DLGAP2: variants seen among roughly 807,000 people sequenced by gnomAD.
DLGAP2 encodes DLG associated protein 2, also known as disks large-associated protein 2.
DLGAP2 carries 26 observed loss-of-function variants against 100.3 expected under a neutral mutation model. That is an observed-to-expected ratio of 0.26 (90% confidence interval 0.19 to 0.36). The LOEUF (loss-of-function observed/expected upper bound fraction) is 0.36. Among genes scored for constraint, DLGAP2 ranks in the 10% least tolerant of loss-of-function variants. The pLI, the probability that DLGAP2 is intolerant of heterozygous loss-of-function variation, is 1.00. For missense variants in DLGAP2, 1,858 were observed against 1,453.2 expected (o/e 1.28, Z -4.53); for synonymous variants, 886 against 630.1 (o/e 1.41, Z -6.08).
intron 3 of DLGAP2, among the ~76,000 whole-genome samples, chr8:1,445,734 C>T (rs977650556): frequency 1.3e-5 from 2 of 152,206 alleles, no homozygotes; most frequent in South Asian, 2.1e-4. Flanking sequence ...TATTTCTCCA[C>T]ATCCTCTCCA....
intron 2 of DLGAP2, among the ~76,000 whole-genome samples, chr8:931,001 C>T (rs1211053839): frequency 2.0e-5 from 3 of 152,120 alleles, no homozygotes; most frequent in Non-Finnish European, 4.4e-5. Flanking sequence ...TCCTTAAATC[C>T]CCAGTGAAGA....
At chr8:1,318,431 C>T (rs1800816954) in intron 3 of DLGAP2, among the ~76,000 whole-genome samples, 2 of 150,802 alleles carry the variant, frequency 1.3e-5, no homozygotes, top group South Asian at 4.3e-4. Context: ...TTGTTAGTGA[C>T]CTTCGTTTCT....
In DLGAP2 at chr8:1,063,174, G is replaced by A. The variant is rs554793384; in HGVS notation, c.73+155208G>A. ...AAGAGGGAAGATGTTTGACTGATACGCCGCAAAGTGCTGCCATATATTTGT... is the reference window on the plus strand; with the variant it reads ...AAGAGGGAAGATGTTTGACTGATACACCGCAAAGTGCTGCCATATATTTGT... On this transcript the variant is annotated intron_variant, in intron 2 of 14. Transcript: ENST00000637795. Among the ~76,000 whole-genome samples, 5 of 152,276 alleles carry A rather than the reference G, an allele frequency of 3.3e-5. No individual in the cohort carries two copies. The South Asian group carries it at 6.2e-4, about 19-fold the overall frequency.
At chr8:898,967 C>G (rs1798198108) in intron 1 of DLGAP2, among the ~76,000 whole-genome samples, 1 of 152,204 alleles carries the variant, frequency 6.6e-6, no homozygotes, top group Non-Finnish European at 1.5e-5. Flanking sequence ...TGGGCCCTGC[C>G]CCAGAACTCC....
At chr8:1,319,303 C>T (rs972087826) in intron 3 of DLGAP2, among the ~76,000 whole-genome samples, 2 of 152,130 alleles carry the variant, frequency 1.3e-5, no homozygotes, top group South Asian at 2.1e-4. Flanking sequence ...AAAATGAATC[C>T]CCTGAAACCT....
At chr8:1,656,374 TAGAAAGGAGCCTTTCTGACACAACTG>T (rs945793537) in intron 8 of DLGAP2, among the ~76,000 whole-genome samples, 8 of 152,052 alleles carry the variant, frequency 5.3e-5, no homozygotes, top group African/African-American at 1.9e-4. Flanking sequence ...CAGGGCAGTC[TAGAAAGGAGCCTTTCTGACACAACTG>T]TGGTAAACCT....
At chr8:1,503,598 G>A (rs182767470) in intron 4 of DLGAP2, among the ~76,000 whole-genome samples, 161 of 151,796 alleles carry the variant, frequency 1.1e-3, no homozygotes, top group Non-Finnish European at 1.9e-3. Context: ...CTCTCTCCAC[G>A]TCACTGTTTT....
Position 1,703,764 on chromosome 8 carries a change from G to C in DLGAP2, c.*2358G>C, listed in dbSNP as rs1469982499. On this transcript the variant is annotated 3_prime_UTR_variant, in exon 15 of 15. Transcript: ENST00000637795. ...AGAAAATGTTCACTGCATGTAGGTTGATTTCTTATGTTTTGTAGACTCATT... is the reference window on the plus strand; with the variant it reads ...AGAAAATGTTCACTGCATGTAGGTTCATTTCTTATGTTTTGTAGACTCATT... The C allele has an allele frequency of 6.6e-6, 1 of 152,394 alleles. No homozygotes were observed. Among genetic ancestry groups the C allele is most frequent in the East Asian group, 1.9e-4 (1 of 5,192 alleles). 9.4% of individuals were successfully genotyped at this position (152,394 alleles called of 1,614,324 possible). A position where few individuals can be genotyped will look rare whatever the true frequency, so the allele number is the denominator to read the frequency against.
intron 1 of DLGAP2, among the ~76,000 whole-genome samples, chr8:884,300 C>A (rs962731988): frequency 1.3e-5 from 2 of 152,148 alleles, no homozygotes; most frequent in Non-Finnish European, 2.9e-5. Context: ...TCAGCAGTAT[C>A]TCTTGTTTCT....
chr8:831,422 G>A (rs957267555), intron 1 of DLGAP2, among the ~76,000 whole-genome samples: 4 of 152,008 alleles, frequency 2.6e-5, no homozygotes, highest in African/African-American at 4.8e-5. Context: ...GTGTCCAGGT[G>A]TTCTCATTGT....
chr8:1,597,527 GTCTTC>G (rs1008071247), intron 6 of DLGAP2, among the ~76,000 whole-genome samples: 13 of 152,052 alleles, frequency 8.5e-5, no homozygotes, highest in Non-Finnish European at 1.9e-4. Context: ...ATTTATTTGT[GTCTTC>G]TCTTATTTCC....
intron 3 of DLGAP2, among the ~76,000 whole-genome samples, chr8:1,366,692 G>T (rs1802115859): frequency 6.6e-6 from 1 of 152,172 alleles, no homozygotes; most frequent in African/African-American, 2.4e-5. Flanking sequence ...CAGGAGGTGA[G>T]CTGGGAAGTG....
intron 3 of DLGAP2, among the ~76,000 whole-genome samples, chr8:1,338,330 A>G (rs879802356): frequency 3.9e-5 from 6 of 152,242 alleles, no homozygotes; most frequent in African/African-American, 7.2e-5. Context: ...GGCCACACGT[A>G]TGATGGAGCC....
intron 3 of DLGAP2, among the ~76,000 whole-genome samples, chr8:1,269,873 C>T (rs942980367): frequency 6.6e-6 from 1 of 152,158 alleles, no homozygotes; most frequent in African/African-American, 2.4e-5. Flanking sequence ...AAGGGAAACT[C>T]GCTGAGTGAC....
intron 3 of DLGAP2, among the ~76,000 whole-genome samples, chr8:1,361,505 G>A (rs181040074): frequency 7.7e-4 from 118 of 152,280 alleles, no homozygotes; most frequent in Non-Finnish European, 7.3e-4. Context: ...GTAGGTAGCC[G>A]TCTGGTGCTG....
At chr8:1,619,695 T>G (rs1171158361) in intron 6 of DLGAP2, 1 of 152,206 alleles carries the variant, frequency 6.6e-6, no homozygotes, top group Non-Finnish European at 1.5e-5. Flanking sequence ...TGTAACATTC[T>G]TACCTTATAT....
At chr8:1,464,441 C>A in intron 3 of DLGAP2, among the ~76,000 whole-genome samples, 1 of 98,426 alleles carries the variant, frequency 1.0e-5, no homozygotes, top group Non-Finnish European at 2.1e-5. Flanking sequence ...TTCCTTCCAG[C>A]TGAGCTCCCA....
chr8:979,316 A>T (rs901048467), intron 2 of DLGAP2, among the ~76,000 whole-genome samples: 2 of 152,254 alleles, frequency 1.3e-5, no homozygotes, highest in Non-Finnish European at 2.9e-5. Context: ...ATAGATGCTA[A>T]GACTGATGGG....
chr8:1,061,172 C>T (rs1803070112), intron 2 of DLGAP2, among the ~76,000 whole-genome samples: 1 of 152,176 alleles, frequency 6.6e-6, no homozygotes, highest in East Asian at 1.9e-4. Flanking sequence ...TGCCAGCCAG[C>T]CTTGTTCGTG....
Sources: allele counts gnomAD v4.1 joint callset (sites outside exome capture counted in the v4.1 genomes callset), GRCh38; gene constraint gnomAD v4.1.1; transcripts MANE v1.5; gene names NCBI Gene and HGNC (gene_info 2026-07-23, HGNC 2026-07-21).